The following RASGRP3 variants were observed in gnomAD, a reference collection of about 807,000 sequenced individuals.
RASGRP3 encodes ras guanyl-releasing protein 3.
RASGRP3 carries 54 observed loss-of-function variants against 82.7 expected under a neutral mutation model. That is an observed-to-expected ratio of 0.65 (90% confidence interval 0.52 to 0.82). The LOEUF (loss-of-function observed/expected upper bound fraction) is 0.82. Among genes scored for constraint, RASGRP3 ranks in the 40% least tolerant of loss-of-function variants. The probability of loss-of-function intolerance (pLI) is 0.00; values close to 1 mark genes in which losing one functional copy is unlikely to be tolerated. For synonymous variants in RASGRP3, 309 were observed against 300.5 expected (o/e 1.03, Z -0.29); for missense variants, 861 against 828.9 (o/e 1.04, Z -0.48).
In RASGRP3 at chr2:33,549,712, C is replaced by G. The variant is rs1574485216; in HGVS notation, c.1503C>G (p.Thr501=). ...TTATCCATAATTTTCAGGAGATGACCTATCTCAAGCCAACCTTCTGCGAAC... is the reference window on the plus strand; with the variant it reads ...TTATCCATAATTTTCAGGAGATGACGTATCTCAAGCCAACCTTCTGCGAAC... The part of the protein sequence containing the change: ...PGFIHNFQEM[T]YLKPTFCEHC... The change falls in exon 14 of 18, where the codon ACC becomes ACG. Residue 501 remains threonine (T), a synonymous_variant. Transcript: ENST00000403687. 1 of 1,613,970 alleles carries G rather than the reference C, an allele frequency of 6.2e-7. No homozygotes were observed. The highest frequency in any genetic ancestry group is 8.5e-7 in the Non-Finnish European group (1 of 1,179,852).
At chr2:33,538,980 A>C in intron 11 of RASGRP3, 114 bp from the exon 12 acceptor site, 1 of 692,318 alleles carries the variant, frequency 1.4e-6, no homozygotes, top group Non-Finnish European at 2.4e-6. Context: ...CAGAAATTGT[A>C]GTGAGCCGAA....
chr2:33,461,579 C>T (rs1352547091), intron 2 of RASGRP3, among the ~76,000 whole-genome samples: 1 of 152,206 alleles, frequency 6.6e-6, no homozygotes, highest in Non-Finnish European at 1.5e-5. Flanking sequence ...TGCCCAGCTC[C>T]TGCCACTTTT....
At chr2:33,534,083 C>T in intron 10 of RASGRP3, 1 of 515,070 alleles carries the variant, frequency 1.9e-6, no homozygotes, top group Non-Finnish European at 3.5e-6. Context: ...GGGAGCTGCT[C>T]AGTAAATATT....
intron 1 of RASGRP3, among the ~76,000 whole-genome samples, chr2:33,438,391 C>T (rs1174123060): frequency 2.6e-5 from 4 of 151,942 alleles, no homozygotes; most frequent in Non-Finnish European, 4.4e-5. Flanking sequence ...GGTGAAACCC[C>T]GTCTCTACTA....
At chr2:33,483,299 A>G (rs1027864332) in intron 1 of RASGRP3, among the ~76,000 whole-genome samples, 2 of 152,154 alleles carry the variant, frequency 1.3e-5, no homozygotes, top group Non-Finnish European at 2.9e-5. Flanking sequence ...TCTCCACCCC[A>G]CAATAGGTTC....
In RASGRP3 at chr2:33,523,875, C is replaced by T; in HGVS notation, c.517-4C>T. 2 of 1,605,466 alleles carry T rather than the reference C, an allele frequency of 1.2e-6. No individual in the cohort carries two copies. Among genetic ancestry groups the T allele is most frequent in the Non-Finnish European group, 1.7e-6 (2 of 1,174,418 alleles). ...TTCAGAGTCTCTGAATCTTCCTTTC[C>T]TAGTTCACTGATTACCAAAGCTATG... On this transcript the variant is annotated splice_polypyrimidine_tract_variant and splice_region_variant and intron_variant, in intron 7 of 17. Transcript: ENST00000403687.
intron 4 of RASGRP3, 35 bp downstream of exon 4, chr2:33,516,679 A>T (rs373008885): frequency 7.3e-7 from 1 of 1,366,330 alleles, no homozygotes; most frequent in African/African-American, 1.4e-5. Flanking sequence ...TTTTACAATC[A>T]TAAATCAAGC....
chr2:33,497,027 C>G (rs1197620811), intron 1 of RASGRP3, among the ~76,000 whole-genome samples: 1 of 152,050 alleles, frequency 6.6e-6, no homozygotes, highest in African/African-American at 2.4e-5. Flanking sequence ...TTAATGGTAG[C>G]TTTTTTTCTT....
At chr2:33,486,347 T>C (rs1668379218) in intron 1 of RASGRP3, among the ~76,000 whole-genome samples, 1 of 152,016 alleles carries the variant, frequency 6.6e-6, no homozygotes, top group Non-Finnish European at 1.5e-5. Context: ...TATTTTGTTT[T>C]AGTAGAGATG....
chr2:33,560,914 A>G (rs1574514923), intron 17 of RASGRP3, among the ~76,000 whole-genome samples: 1 of 152,380 alleles, frequency 6.6e-6, no homozygotes, highest in South Asian at 2.1e-4. Context: ...GGTGTAAGAC[A>G]ATCAAATAGG....
Position 33,562,783 on chromosome 2 carries a change from G to A in RASGRP3, c.*46G>A, listed in dbSNP as rs1558535287. On this transcript the variant is annotated 3_prime_UTR_variant, in exon 18 of 18. Transcript: ENST00000403687. ...AGGCAATAATGTTGGCTTTTGGAAG[G>A]GGCAAGACGAGAAACTCTGAAGAAA... 6.2e-7 allele frequency: 1 copy of A among 1,602,968 alleles called. No individual in the cohort carries two copies.
intron 10 of RASGRP3, 116 bp downstream of exon 10, chr2:33,527,528 A>G: frequency 7.4e-6 from 8 of 1,087,422 alleles, no homozygotes; most frequent in Non-Finnish European, 1.0e-5. Flanking sequence ...TTTCAGAGTC[A>G]ATAGATGAGA....
chr2:33,455,822 A>C (rs898527043), intron 2 of RASGRP3, among the ~76,000 whole-genome samples: 1 of 152,200 alleles, frequency 6.6e-6, no homozygotes, highest in African/African-American at 2.4e-5. Flanking sequence ...TCAGGAAAGG[A>C]ATCTTCACCA....
chr2:33,478,340 C>G (rs758778241), intron 1 of RASGRP3, among the ~76,000 whole-genome samples: 1 of 152,158 alleles, frequency 6.6e-6, no homozygotes, highest in African/African-American at 2.4e-5. Flanking sequence ...CTTGGGTCAG[C>G]CCGCGGCCAT....
intron 1 of RASGRP3, among the ~76,000 whole-genome samples, chr2:33,510,154 G>A (rs918553599): frequency 6.6e-6 from 1 of 152,206 alleles, no homozygotes; most frequent in Non-Finnish European, 1.5e-5. Context: ...TATTTATGTA[G>A]TCATTTATGC....
At chr2:33,446,180 C>T (rs553852008) in intron 1 of RASGRP3, among the ~76,000 whole-genome samples, 4 of 152,198 alleles carry the variant, frequency 2.6e-5, no homozygotes, top group African/African-American at 4.8e-5. Context: ...GTTTTTGAGA[C>T]GGAGTCTCGC....
At chr2:33,479,287 G>A (rs1238879384) in intron 1 of RASGRP3, among the ~76,000 whole-genome samples, 1 of 152,080 alleles carries the variant, frequency 6.6e-6, no homozygotes, top group African/African-American at 2.4e-5. Context: ...GTTCAGTGAC[G>A]GTCTTGATGT....
chr2:33,466,960 C>G (rs142072041), intron 2 of RASGRP3, among the ~76,000 whole-genome samples: 14 of 152,044 alleles, frequency 9.2e-5, no homozygotes, highest in Admixed American at 5.9e-4. Context: ...GTCAACCTCA[C>G]GAAAAGTCAT....
intron 15 of RASGRP3, among the ~76,000 whole-genome samples, chr2:33,556,873 A>G (rs1397717690): frequency 7.1e-6 from 1 of 141,028 alleles, no homozygotes; most frequent in Non-Finnish European, 1.5e-5. Flanking sequence ...TCTGGTTTCT[A>G]TCCTCATACC....
Sources: gnomAD v4.1 joint callset for allele counts (sites outside exome capture counted in the v4.1 genomes callset) on GRCh38, gnomAD v4.1.1 for gene constraint, MANE v1.5 for transcripts, NCBI Gene and HGNC (gene_info 2026-07-23, HGNC 2026-07-21) for gene names.